GALNT3: variants seen among roughly 807,000 people sequenced by gnomAD.
GALNT3 encodes polypeptide N-acetylgalactosaminyltransferase 3.
Under a neutral mutation model 69.8 loss-of-function variants are expected in GALNT3, and 51 were observed. That is an observed-to-expected ratio of 0.73 (90% CI 0.58 to 0.92). GALNT3 has a LOEUF of 0.92. Ranked by LOEUF, GALNT3 falls within the 40% of genes least tolerant of loss-of-function variation. The pLI, the probability that GALNT3 is intolerant of heterozygous loss-of-function variation, is 0.00. For synonymous variants in GALNT3, 265 were observed against 248.5 expected, an observed-to-expected ratio of 1.07 and a Z score of -0.63; for missense variants, 711 against 760.0, an observed-to-expected ratio of 0.94 and a Z score of 0.76.
At chr2:165,752,443 G>T (rs543620223) in intron 9 of GALNT3, among the ~76,000 whole-genome samples, 83 of 152,108 alleles carry the variant, frequency 5.5e-4, no homozygotes, top group African/African-American at 2.0e-3. Context: ...CAGGAGCTTT[G>T]TCTTTTTACT....
Position 165,770,503 on chromosome 2 carries a change from C to A in GALNT3, c.198G>T (p.Met66Ile), listed in dbSNP as rs1369228648. Residue 66 changes from methionine to isoleucine, a missense_variant, in exon 2 of 11, where the codon ATG becomes ATT. Met to Ile is a conservative substitution (Grantham distance 10, BLOSUM62 1). Coordinates refer to ENST00000392701, the MANE Select transcript of GALNT3 (RefSeq NM_004482.4). ...MKNKNKMLDLMLEAVNNIKDA... is the reference protein window; with the variant it reads ...MKNKNKMLDLILEAVNNIKDA... ...CCTTAATATTGTTTACAGCTTCTAG[C>A]ATTAAATCCAACATCTTGTTTTTGT... 6.2e-7 allele frequency: 1 copy of A among 1,614,182 alleles called. No homozygotes were observed. Among genetic ancestry groups the A allele is most frequent in the East Asian group, 2.2e-5 (1 of 44,884 alleles).
chr2:165,779,288 AG>A (rs1683049276), intron 1 of GALNT3, among the ~76,000 whole-genome samples: 1 of 152,180 alleles, frequency 6.6e-6, no homozygotes, highest in Non-Finnish European at 1.5e-5. Flanking sequence ...GAAATTTACA[AG>A]GCCCAGCTCC....
chr2:165,756,237 ACTAT>A (rs1178802755), intron 7 of GALNT3, among the ~76,000 whole-genome samples: 1 of 152,170 alleles, frequency 6.6e-6, no homozygotes, highest in African/African-American at 2.4e-5. Flanking sequence ...GCAAATTAGC[ACTAT>A]CTATTTCCTA....
chr2:165,762,978 T>C (rs920156350), intron 3 of GALNT3, among the ~76,000 whole-genome samples: 7 of 151,590 alleles, frequency 4.6e-5, no homozygotes, highest in African/African-American at 1.7e-4. Flanking sequence ...CTTTTTTTTT[T>C]TTTTTAGAGA....
In GALNT3 at chr2:165,754,647, G is replaced by A. The variant is rs765424119; in HGVS notation, c.1606C>T (p.His536Tyr). 1 of 1,612,648 alleles carries A rather than the reference G, an allele frequency of 6.2e-7. No homozygotes were observed. The highest frequency in any genetic ancestry group is 1.1e-5 in the South Asian group (1 of 91,038). Residue 536 changes from histidine (H) to tyrosine (Y), a missense_variant, in exon 9 of 11, where the codon CAT (histidine) becomes TAT (tyrosine). His to Tyr is a moderately conservative substitution (Grantham distance 83). Transcript: ENST00000392701. ...GGKPLIMYTC[H>Y]GLGGNQYFEY... ...CTCACCTGGTTTCCCCCAAGTCCAT[G>A]ACATGTATACATAATTAATGGTTTG... is the stretch of plus-strand genomic sequence containing the variant.
intron 4 of GALNT3, chr2:165,761,658 A>G: frequency 1.5e-6 from 1 of 688,882 alleles, no homozygotes; most frequent in Non-Finnish European, 2.7e-6. Context: ...TGGAACAGCT[A>G]GTAACTGGAG....
chr2:165,760,914 C>G (rs1207591503), intron 4 of GALNT3, among the ~76,000 whole-genome samples: 3 of 152,014 alleles, frequency 2.0e-5, no homozygotes, highest in Non-Finnish European at 4.4e-5. Context: ...AACTTTGACT[C>G]TGAAAATAAT....
At chr2:165,788,308 C>T (rs1325002400) in intron 1 of GALNT3, among the ~76,000 whole-genome samples, 1 of 119,920 alleles carries the variant, frequency 8.3e-6, no homozygotes, top group Non-Finnish European at 1.6e-5. Flanking sequence ...TAGAGCAAGA[C>T]ATCACCTCAA....
At chr2:165,751,831 A>G (rs1688362496) in intron 9 of GALNT3, among the ~76,000 whole-genome samples, 2 of 152,210 alleles carry the variant, frequency 1.3e-5, no homozygotes, top group South Asian at 4.1e-4. Context: ...TGAAAAAATG[A>G]TCAAGTTATA....
intron 1 of GALNT3, among the ~76,000 whole-genome samples, chr2:165,788,316 C>CAAAAAA (rs59428597): frequency 2.0e-5 from 1 of 49,328 alleles, no homozygotes; most frequent in Non-Finnish European, 4.6e-5. Context: ...GACATCACCT[C>CAAAAAA]AAAAAAAAAA....
At chr2:165,779,910 G>A (rs1381820554) in intron 1 of GALNT3, among the ~76,000 whole-genome samples, 1 of 152,174 alleles carries the variant, frequency 6.6e-6, no homozygotes, top group African/African-American at 2.4e-5. Flanking sequence ...AGATGTTGGT[G>A]ATGTCAAGGA....
chr2:165,769,733 T>C (rs968457557), intron 2 of GALNT3, among the ~76,000 whole-genome samples: 1 of 152,182 alleles, frequency 6.6e-6, no homozygotes, highest in Non-Finnish European at 1.5e-5. Context: ...AGTCTGTGAA[T>C]TGCTTTACAC....
chr2:165,758,951 A>G lies in GALNT3; in HGVS notation c.1074-87T>C, dbSNP rs1288246287. The G allele has an allele frequency of 4.6e-6, 4 of 868,296 alleles. No homozygotes were observed. The Admixed American group carries it at 7.4e-5, about 16-fold the overall frequency. 53.8% of individuals were successfully genotyped at this position (868,296 alleles called of 1,614,324 possible). ...TTAAGAACTGAAGTTAAAAAATTAA[A>G]GCCATATCACATTTTCAAAGCTTTT... On this transcript the variant is annotated intron_variant, in intron 5 of 10. Transcript: ENST00000392701.
chr2:165,784,682 T>C (rs1255663957), intron 1 of GALNT3, among the ~76,000 whole-genome samples: 1 of 151,866 alleles, frequency 6.6e-6, no homozygotes, highest in African/African-American at 2.4e-5. Flanking sequence ...AAAAGAAAGG[T>C]GCTAGCAGAT....
In GALNT3 at chr2:165,770,486, T is replaced by C. The variant is rs767659388; in HGVS notation, c.215A>G (p.Asn72Ser). Residue 72 changes from asparagine to serine, a missense_variant, in exon 2 of 11, where the codon AAT becomes AGT. Physicochemically the swap from Asn to Ser is conservative, Grantham distance 46. Coordinates refer to ENST00000392701, the MANE Select transcript of GALNT3 (RefSeq NM_004482.4). ...CATTTTTGGCATGGCATCCTTAATA[T>C]TGTTTACAGCTTCTAGCATTAAATC... Reference protein sequence around the residue: ...MLDLMLEAVNNIKDAMPKMQI... With the variant: ...MLDLMLEAVNSIKDAMPKMQI... The C allele has an allele frequency of 7.4e-6, 12 of 1,614,128 alleles. No homozygotes were observed. The highest frequency in any genetic ancestry group is 1.6e-4 in the Middle Eastern group (1 of 6,084).
intron 9 of GALNT3, among the ~76,000 whole-genome samples, chr2:165,754,392 C>CTT (rs137893523): frequency 4.9e-5 from 3 of 61,158 alleles, no homozygotes; most frequent in Non-Finnish European, 9.3e-5. Flanking sequence ...GCTCGGCCTC[C>CTT]TTTTTTTTTT....
chr2:165,762,709 C>A (rs889861054), intron 3 of GALNT3, among the ~76,000 whole-genome samples: 2 of 152,074 alleles, frequency 1.3e-5, no homozygotes, highest in African/African-American at 2.4e-5. Context: ...ATTCAATATA[C>A]CAAATTGGAT....
intron 1 of GALNT3, among the ~76,000 whole-genome samples, chr2:165,784,595 G>A (rs1294000460): frequency 1.3e-5 from 2 of 152,094 alleles, no homozygotes; most frequent in African/African-American, 2.4e-5. Flanking sequence ...CAGCTACTCG[G>A]GAGGCTGAGG....
At chr2:165,761,794 T>G in intron 4 of GALNT3, 111 bp downstream of exon 4, 1 of 1,190,964 alleles carries the variant, frequency 8.4e-7, no homozygotes, top group Non-Finnish European at 1.3e-6. Context: ...TTGAAAACGC[T>G]GTTAAAGAAA....
Sources: gnomAD v4.1 joint callset for allele counts (sites outside exome capture counted in the v4.1 genomes callset) on GRCh38, gnomAD v4.1.1 for gene constraint, MANE v1.5 for transcripts, NCBI Gene and HGNC (gene_info 2026-07-23, HGNC 2026-07-21) for gene names.